Variants in LRRTM4 observed in about 807,000 individuals in gnomAD.
LRRTM4 encodes the protein leucine rich repeat transmembrane neuronal 4, also known as leucine-rich repeat transmembrane neuronal protein 4.
In LRRTM4, 25 loss-of-function variants were observed where a neutral mutation model predicts 47.6. The ratio of observed to expected loss-of-function variants is 0.53; its 90% CI spans 0.38 to 0.73. The LOEUF is 0.73. Among genes scored for constraint, LRRTM4 ranks in the 30% least tolerant of loss-of-function variants. The pLI is 0.00. For synonymous variants in LRRTM4, 311 were observed against 269.5 expected (o/e 1.15, Z -1.51); for missense variants, 638 against 713.4 (o/e 0.89, Z 1.20).
intron 3 of LRRTM4, among the ~76,000 whole-genome samples, chr2:77,453,045 A>G (rs1676323105): frequency 6.6e-6 from 1 of 152,076 alleles, no homozygotes; most frequent in South Asian, 2.1e-4. Context: ...AGTTTAACAT[A>G]TAAATACTAA....
intron 3 of LRRTM4, among the ~76,000 whole-genome samples, chr2:77,211,864 G>T (rs955346339): frequency 6.6e-6 from 1 of 151,776 alleles, no homozygotes; most frequent in Non-Finnish European, 1.5e-5. Context: ...ATTATATATA[G>T]CTATATTTCT....
At chr2:77,145,346 T>C (rs1225091147) in intron 3 of LRRTM4, among the ~76,000 whole-genome samples, 1 of 151,864 alleles carries the variant, frequency 6.6e-6, no homozygotes, top group Non-Finnish European at 1.5e-5. Context: ...AAAGCCCTTT[T>C]ATTTTTTCAT....
At chr2:76,867,826 A>G (rs1672508884) in intron 3 of LRRTM4, among the ~76,000 whole-genome samples, 2 of 152,116 alleles carry the variant, frequency 1.3e-5, no homozygotes. Flanking sequence ...CTTTCCCCTT[A>G]ATACACCCAT....
intron 3 of LRRTM4, among the ~76,000 whole-genome samples, chr2:77,399,389 T>A (rs1673847419): frequency 6.6e-6 from 1 of 151,748 alleles, no homozygotes; most frequent in Admixed American, 6.6e-5. Context: ...TTGGCACAAA[T>A]ACTACATGAT....
intron 3 of LRRTM4, among the ~76,000 whole-genome samples, chr2:76,823,438 A>C (rs1671106941): frequency 6.6e-6 from 1 of 151,468 alleles, no homozygotes; most frequent in Non-Finnish European, 1.5e-5. Flanking sequence ...ACATTAAAAC[A>C]GTGAGTTATT....
chr2:77,033,849 A>C lies in LRRTM4; in HGVS notation c.1552-284933T>G, dbSNP rs112719169. Among the ~76,000 whole-genome samples the C allele has an allele frequency of 5.7e-3, 869 of 152,000 alleles. 3 individuals are homozygous for C. Among genetic ancestry groups the C allele is most frequent in the Middle Eastern group, 0.034 (10 of 294 alleles). Reference sequence around the variant, plus strand: ...AATTAACTTATAAAGGAGGAGATGGATTACTTAAATGTTAAATAAAGACTT... The same window carrying C: ...AATTAACTTATAAAGGAGGAGATGGCTTACTTAAATGTTAAATAAAGACTT... On this transcript the variant is annotated intron_variant, in intron 3 of 3. Coordinates refer to ENST00000409884, the MANE Select transcript of LRRTM4 (RefSeq NM_001134745.3).
chr2:76,836,878 A>G (rs1176275092), intron 3 of LRRTM4, among the ~76,000 whole-genome samples: 1 of 152,094 alleles, frequency 6.6e-6, no homozygotes, highest in Non-Finnish European at 1.5e-5. Flanking sequence ...GGTCTAAGAG[A>G]AATTGGTTTG....
At chr2:77,221,459 C>T (rs1204829426) in intron 3 of LRRTM4, among the ~76,000 whole-genome samples, 1 of 152,036 alleles carries the variant, frequency 6.6e-6, no homozygotes, top group Non-Finnish European at 1.5e-5. Context: ...TTCAGGAAAC[C>T]CATCTCACAT....
chr2:76,981,245 G>C (rs1240291958), intron 3 of LRRTM4, among the ~76,000 whole-genome samples: 1 of 152,032 alleles, frequency 6.6e-6, no homozygotes, highest in Non-Finnish European at 1.5e-5. Context: ...AAAATTCATA[G>C]TCTCTGCTCT....
Position 77,390,437 on chromosome 2 carries a change from C to CGTGT in LRRTM4, c.1551+127880_1551+127881insACAC, listed in dbSNP as rs1282346591. Among the ~76,000 whole-genome samples, 42 of 152,118 alleles carry CGTGT rather than the reference C, an allele frequency of 2.8e-4. No individual in the cohort carries two copies. In the East Asian group the frequency reaches 7.9e-3, roughly 29 times the overall value. ...TTTTGTTACCAAAAGTACTGAAACA[C>CGTGT]TCATGCAACTTTCATACAAATTGCA... On this transcript the variant is annotated intron_variant, in intron 3 of 3. Coordinates refer to ENST00000409884, the MANE Select transcript of LRRTM4 (RefSeq NM_001134745.3).
chr2:77,227,444 C>G (rs1674846268), intron 3 of LRRTM4, among the ~76,000 whole-genome samples: 1 of 151,854 alleles, frequency 6.6e-6, no homozygotes, highest in South Asian at 2.1e-4. Flanking sequence ...AGGAGAGAAA[C>G]CATGAGGAAA....
chr2:76,967,384 C>T (rs71420983), intron 3 of LRRTM4, among the ~76,000 whole-genome samples: 149 of 151,636 alleles, frequency 9.8e-4, no homozygotes, highest in South Asian at 3.5e-3. Flanking sequence ...ACCAATCTAT[C>T]GTGCATAACA....
intron 3 of LRRTM4, among the ~76,000 whole-genome samples, chr2:77,501,146 A>C (rs1573499689): frequency 6.6e-6 from 1 of 150,572 alleles, no homozygotes; most frequent in South Asian, 2.1e-4. Flanking sequence ...ATGTATATAT[A>C]TCATTTTATA....
At chr2:77,505,326 T>C (rs548838190) in intron 3 of LRRTM4, among the ~76,000 whole-genome samples, 6 of 151,582 alleles carry the variant, frequency 4.0e-5, no homozygotes, top group African/African-American at 9.6e-5. Context: ...GTCTGTCCTA[T>C]TGTTAATTTT....
rs116567317 is a variant in LRRTM4 at position 77,002,875 on chromosome 2, T to C, written c.1552-253959A>G. 2.2e-3 allele frequency among the ~76,000 whole-genome samples: 330 copies of C among 152,270 alleles called. 7 individuals are homozygous for C. Among genetic ancestry groups the C allele is most frequent in the African/African-American group, 7.7e-3 (320 of 41,556 alleles). ...ATTGTCCTGTTCTATTTATTGAGCTTACGTTTTGGAGTACTTAATAATATT... is the reference window on the plus strand; with the variant it reads ...ATTGTCCTGTTCTATTTATTGAGCTCACGTTTTGGAGTACTTAATAATATT... On this transcript the variant is annotated intron_variant, in intron 3 of 3. Transcript: ENST00000409884.
At chr2:77,079,679 T>G (rs1449807082) in intron 3 of LRRTM4, among the ~76,000 whole-genome samples, 1 of 152,202 alleles carries the variant, frequency 6.6e-6, no homozygotes, top group East Asian at 1.9e-4. Context: ...GCTCCTTTAT[T>G]GAAAAGGTAT....
chr2:76,779,434 T>C (rs1366155254), intron 3 of LRRTM4, among the ~76,000 whole-genome samples: 1 of 149,418 alleles, frequency 6.7e-6, no homozygotes, highest in Non-Finnish European at 1.5e-5. Context: ...GCTTTATGAA[T>C]CTGGGTGCTC....
intron 3 of LRRTM4, among the ~76,000 whole-genome samples, chr2:76,749,875 C>A (rs1483905948): frequency 1.3e-5 from 2 of 152,168 alleles, no homozygotes; most frequent in East Asian, 3.8e-4. Flanking sequence ...TCTTGATGAA[C>A]AATCCACAGA....
intron 3 of LRRTM4, among the ~76,000 whole-genome samples, chr2:77,286,235 G>A (rs1676654275): frequency 6.6e-6 from 1 of 151,750 alleles, no homozygotes; most frequent in African/African-American, 2.4e-5. Context: ...TTTTTGAATT[G>A]GTTAAGAGTT....
Sources: allele counts gnomAD v4.1 joint callset (sites outside exome capture counted in the v4.1 genomes callset), GRCh38; gene constraint gnomAD v4.1.1; transcripts MANE v1.5; gene names NCBI Gene and HGNC (gene_info 2026-07-23, HGNC 2026-07-21).